MDGA2: variants seen among roughly 807,000 people sequenced by gnomAD.
MDGA2 encodes MAM domain-containing glycosylphosphatidylinositol anchor protein 2.
A neutral mutation model predicts 117.8 loss-of-function variants in MDGA2; 40 were observed. The observed-to-expected ratio is 0.34, with a 90% CI of 0.26 to 0.44. The LOEUF is 0.44. Ranked by LOEUF, MDGA2 falls within the 20% of genes least tolerant of loss-of-function variation. MDGA2 has a pLI of 1.00. For synonymous variants in MDGA2, 452 were observed against 439.0 expected (o/e 1.03, Z -0.37); for missense variants, 1,123 against 1,250.6 (o/e 0.90, Z 1.54).
At chr14:47,290,517 T>C (rs1478301506) in intron 2 of MDGA2, among the ~76,000 whole-genome samples, 1 of 152,124 alleles carries the variant, frequency 6.6e-6, no homozygotes, top group East Asian at 1.9e-4. Context: ...CTAATTATGT[T>C]ACATAAAGGT....
At chr14:47,092,361 C>T (rs1005620840) in intron 6 of MDGA2, among the ~76,000 whole-genome samples, 1 of 152,030 alleles carries the variant, frequency 6.6e-6, no homozygotes, top group Non-Finnish European at 1.5e-5. Flanking sequence ...ATAGAACACA[C>T]AGAATTCCAT....
chr14:47,521,948 A>G (rs1052862349), intron 1 of MDGA2, among the ~76,000 whole-genome samples: 3 of 152,196 alleles, frequency 2.0e-5, no homozygotes, highest in Admixed American at 1.3e-4. Flanking sequence ...CTGGGATTAC[A>G]AACGTGAACC....
At chr14:46,989,336 G>A (rs1320743615) in intron 8 of MDGA2, among the ~76,000 whole-genome samples, 9 of 151,910 alleles carry the variant, frequency 5.9e-5, no homozygotes, top group Non-Finnish European at 1.0e-4. Context: ...AAAAAAAGGG[G>A]GGTATCCTTG....
At chr14:47,555,269 T>A (rs1426589699) in intron 1 of MDGA2, among the ~76,000 whole-genome samples, 1 of 152,214 alleles carries the variant, frequency 6.6e-6, no homozygotes, top group Admixed American at 6.5e-5. Context: ...CATTGCTTTA[T>A]ATTCAACAAT....
At position 47,675,199 on chromosome 14, in the gene MDGA2, C is replaced by G. The variant is rs377473841; in HGVS notation, c.-403G>C. Among the ~76,000 whole-genome samples, 2 of 152,236 alleles carry G rather than the reference C, an allele frequency of 1.3e-5. No individual in the cohort carries two copies. The highest frequency in any genetic ancestry group is 3.9e-4 in the East Asian group (2 of 5,136). ...CGTCAAGCGGCGACAGCGGCCCGCC[C>G]GCCCGCAGTCCGAAGCCCCCAGCCC... is the stretch of plus-strand genomic sequence containing the variant. On this transcript the variant is annotated 5_prime_UTR_variant, in exon 1 of 17. Transcript: ENST00000399232.
At chr14:47,137,553 T>A (rs1046243618) in intron 4 of MDGA2, among the ~76,000 whole-genome samples, 3 of 152,094 alleles carry the variant, frequency 2.0e-5, no homozygotes, top group African/African-American at 7.2e-5. Context: ...TCTCTGCACA[T>A]ACCAGCTCCC....
At chr14:47,156,883 T>G (rs1883409658) in intron 3 of MDGA2, among the ~76,000 whole-genome samples, 1 of 152,234 alleles carries the variant, frequency 6.6e-6, no homozygotes, top group Non-Finnish European at 1.5e-5. Flanking sequence ...CAAGAATTTA[T>G]ATTACTAATA....
chr14:47,031,575 T>C (rs947061540), intron 8 of MDGA2, among the ~76,000 whole-genome samples: 4 of 152,048 alleles, frequency 2.6e-5, no homozygotes, highest in Non-Finnish European at 5.9e-5. Flanking sequence ...GATACTTAAG[T>C]AATAAAAAAA....
intron 2 of MDGA2, among the ~76,000 whole-genome samples, chr14:47,218,583 G>A (rs1433555124): frequency 1.3e-5 from 2 of 151,790 alleles, no homozygotes; most frequent in Non-Finnish European, 2.9e-5. Flanking sequence ...TACTTATTTT[G>A]TCCAAGTAGG....
intron 6 of MDGA2, among the ~76,000 whole-genome samples, chr14:47,065,563 G>A (rs1350988473): frequency 6.6e-6 from 1 of 152,176 alleles, no homozygotes; most frequent in African/African-American, 2.4e-5. Context: ...AGAGGAGGCT[G>A]TGAGATTGTA....
At chr14:47,301,278 C>T (rs940710639) in intron 2 of MDGA2, 133 bp downstream of exon 2, 3 of 883,858 alleles carry the variant, frequency 3.4e-6, no homozygotes, top group Admixed American at 3.0e-5. Flanking sequence ...GTTACACACA[C>T]ACACACCCAC....
intron 6 of MDGA2, among the ~76,000 whole-genome samples, chr14:47,065,993 C>A (rs1044031454): frequency 4.6e-5 from 7 of 152,140 alleles, no homozygotes; most frequent in African/African-American, 1.7e-4. Flanking sequence ...CCTATTTATT[C>A]TTTGCTGAAG....
At chr14:47,164,256 G>C (rs1883768217) in intron 3 of MDGA2, among the ~76,000 whole-genome samples, 1 of 152,086 alleles carries the variant, frequency 6.6e-6, no homozygotes, top group Admixed American at 6.5e-5. Context: ...TCCTGCTATT[G>C]GATGAAATTT....
chr14:47,236,302 A>C (rs962002296), intron 2 of MDGA2, among the ~76,000 whole-genome samples: 14 of 144,922 alleles, frequency 9.7e-5, no homozygotes, highest in Admixed American at 5.4e-4. Flanking sequence ...AAAAAAAAAA[A>C]AAAAAAAAAA....
intron 9 of MDGA2, among the ~76,000 whole-genome samples, chr14:46,943,417 G>C (rs1885065604): frequency 6.6e-6 from 1 of 151,930 alleles, no homozygotes; most frequent in African/African-American, 2.4e-5. Flanking sequence ...ACATGACTGA[G>C]TTAAAGTCTA....
intron 1 of MDGA2, among the ~76,000 whole-genome samples, chr14:47,603,002 T>C (rs543687603): frequency 2.0e-5 from 3 of 152,252 alleles, no homozygotes; most frequent in Admixed American, 6.5e-5. Context: ...AGAGCCTATA[T>C]AGGACTTCCA....
rs187552878 is a variant in MDGA2, at chr14:47,160,831, C to G, written c.596-16557G>C. 3.2e-3 allele frequency among the ~76,000 whole-genome samples: 491 copies of G among 152,272 alleles called. 3 individuals are homozygous for G. The highest frequency in any genetic ancestry group is 6.8e-3 in the Middle Eastern group (2 of 294). ...CATCAACCAAATACAGATACTTAAT[C>G]ACATTTCTAATACTAACTTTAAAAG... On this transcript the variant is annotated intron_variant, in intron 3 of 16. Coordinates refer to ENST00000399232, the MANE Select transcript of MDGA2 (RefSeq NM_001113498.3).
chr14:47,125,420 C>T (rs931517878), intron 5 of MDGA2, among the ~76,000 whole-genome samples: 2 of 152,050 alleles, frequency 1.3e-5, no homozygotes, highest in African/African-American at 2.4e-5. Context: ...AGGTTTTATA[C>T]TGAAATTCAC....
intron 6 of MDGA2, among the ~76,000 whole-genome samples, chr14:47,071,622 C>T (rs1890285598): frequency 6.6e-6 from 1 of 151,692 alleles, no homozygotes; most frequent in African/African-American, 2.4e-5. Context: ...GTGGTATAGA[C>T]ATACTTTTCC....
Sources: gnomAD v4.1 joint callset for allele counts (sites outside exome capture counted in the v4.1 genomes callset) on GRCh38, gnomAD v4.1.1 for gene constraint, MANE v1.5 for transcripts, NCBI Gene and HGNC (gene_info 2026-07-23, HGNC 2026-07-21) for gene names.